NOL4L: variants seen among roughly 807,000 people sequenced by gnomAD.
NOL4L encodes nucleolar protein 4-like.
Under a neutral mutation model 64.5 loss-of-function variants are expected in NOL4L, and 7 were observed. That is an observed-to-expected ratio of 0.11 (90% confidence interval 0.06 to 0.20). The LOEUF is 0.20. NOL4L is among the 10% of genes least tolerant of loss of function. The pLI is 1.00. For synonymous variants in NOL4L, 413 were observed against 401.0 expected, an observed-to-expected ratio of 1.03 and a Z score of -0.36; for missense variants, 680 against 967.1, an observed-to-expected ratio of 0.70 and a Z score of 3.94.
chr20:32,574,029 A>C (rs1979928706), intron 1 of NOL4L: 1 of 152,280 alleles, frequency 6.6e-6, no homozygotes, highest in African/African-American at 2.4e-5. Flanking sequence ...GCTTGGTTTT[A>C]TGCCATCTTC....
chr20:32,478,273 A>ACTCT (rs11469154), intron 4 of NOL4L, among the ~76,000 whole-genome samples: 8 of 143,432 alleles, frequency 5.6e-5, no homozygotes, highest in African/African-American at 1.3e-4. Context: ...ACACACACAC[A>ACTCT]CTCTCTCTCT....
Position 32,527,765 on chromosome 20 carries a change from T to G in NOL4L, c.470A>C (p.Tyr157Ser). 1 of 1,546,946 alleles carries G rather than the reference T, an allele frequency of 6.5e-7. No homozygotes were observed. The change falls in exon 2 of 11, where the codon TAC becomes TCC. Residue 157 changes from tyrosine (Y) to serine (S), a missense_variant. Tyr to Ser is a moderately radical substitution (Grantham distance 144). Around this residue, in one of 4 missense-constraint regions of NOL4L, gnomAD observed 181 missense variants for 335.2 expected, o/e 0.54. Coordinates refer to ENST00000621426, the MANE Select transcript of NOL4L (RefSeq NM_001256798.2). ...APKHAGQKKT[Y>S]RAIAETYAFL... ...AAGAGACAGAAATCTCACCGCTCGGTAGGTTTTCTTCTGCCCAGCGTGCTT... is the reference window on the plus strand; with the variant it reads ...AAGAGACAGAAATCTCACCGCTCGGGAGGTTTTCTTCTGCCCAGCGTGCTT...
chr20:32,458,174 T>G (rs1477833223), intron 5 of NOL4L, among the ~76,000 whole-genome samples: 1 of 152,154 alleles, frequency 6.6e-6, no homozygotes, highest in East Asian at 1.9e-4. Flanking sequence ...TCCCATGCTT[T>G]CCTGTAGCTG....
At chr20:32,523,511 C>A (rs2018017332) in intron 2 of NOL4L, among the ~76,000 whole-genome samples, 1 of 152,188 alleles carries the variant, frequency 6.6e-6, no homozygotes. Flanking sequence ...GGCCACAGGA[C>A]CACAGAATGA....
chr20:32,448,667 A>G (rs1299868149), intron 10 of NOL4L, among the ~76,000 whole-genome samples: 33 of 152,232 alleles, frequency 2.2e-4, no homozygotes, highest in Admixed American at 2.0e-3. Context: ...GACAAGACTC[A>G]GACTCGCTTC....
Position 32,447,556 on chromosome 20 carries a change from C to T in NOL4L, c.*40G>A, listed in dbSNP as rs545820363. 1.3e-6 allele frequency: 2 copies of T among 1,547,986 alleles called. No individual in the cohort carries two copies. Among genetic ancestry groups the T allele is most frequent in the Non-Finnish European group, 1.7e-6 (2 of 1,153,160 alleles). On this transcript the variant is annotated 3_prime_UTR_variant, in exon 11 of 11. Transcript: ENST00000621426. ...GGAAGCCAGGTCCAGGCTGGGACAG[C>T]CTCCTTCCCTAGGGCAGTGCGCTCC...
intron 1 of NOL4L, among the ~76,000 whole-genome samples, chr20:32,529,425 C>T (rs1007944559): frequency 2.0e-5 from 3 of 152,196 alleles, no homozygotes; most frequent in Admixed American, 6.5e-5. Flanking sequence ...GCCTGAGGTA[C>T]AGTGGCTGGT....
At chr20:32,562,461 T>C (rs1979089360) in intron 1 of NOL4L, among the ~76,000 whole-genome samples, 1 of 152,126 alleles carries the variant, frequency 6.6e-6, no homozygotes, top group Admixed American at 6.5e-5. Context: ...CAGGTTTAAA[T>C]GACACTTCCA....
chr20:32,520,997 G>A, intron 2 of NOL4L, 75 bp from the exon 3 acceptor site: 1 of 895,384 alleles, frequency 1.1e-6, no homozygotes. Flanking sequence ...ACCAAGGTCT[G>A]AGCTTTGGTG....
chr20:32,504,503 T>C (rs1037783413), intron 4 of NOL4L, among the ~76,000 whole-genome samples: 8 of 148,522 alleles, frequency 5.4e-5, no homozygotes, highest in Non-Finnish European at 1.0e-4. Flanking sequence ...GAGCTTGCAG[T>C]GAGCCAAGAT....
At chr20:32,450,255 T>C (rs370479831) in intron 10 of NOL4L, 2 of 152,370 alleles carry the variant, frequency 1.3e-5, no homozygotes, top group East Asian at 1.9e-4. Flanking sequence ...ACCAAACTGA[T>C]TGAACAATAC....
rs111629151 is a variant in NOL4L at position 32,489,303 on chromosome 20, G to T, written c.700-14561C>A. On this transcript the variant is annotated intron_variant, in intron 4 of 10. Coordinates refer to ENST00000621426, the MANE Select transcript of NOL4L (RefSeq NM_001256798.2). ...AATATAAGTAATGAAGTGGGGATCTGGCTTATTTTTTTCTAAATGGCTTTC... is the reference window on the plus strand; with the variant it reads ...AATATAAGTAATGAAGTGGGGATCTTGCTTATTTTTTTCTAAATGGCTTTC... 7.2e-3 allele frequency among the ~76,000 whole-genome samples: 1,092 copies of T among 151,724 alleles called. 19 individuals are homozygous for T. Among genetic ancestry groups the T allele is most frequent in the African/African-American group, 0.025 (1,023 of 41,364 alleles).
At chr20:32,481,320 C>A (rs1397849579) in intron 4 of NOL4L, among the ~76,000 whole-genome samples, 1 of 152,202 alleles carries the variant, frequency 6.6e-6, no homozygotes, top group South Asian at 2.1e-4. Flanking sequence ...AAAAGTGAAG[C>A]TGGAGAGAGG....
At position 32,446,798 on chromosome 20, in the gene NOL4L, G is replaced by A. The variant is rs1387688879; in HGVS notation, c.*798C>T. ...CTGGAAAAAGCCCACGCTGGAGTGT[G>A]AGGTAGAATACAGGTGACCATGGAC... On this transcript the variant is annotated 3_prime_UTR_variant, in exon 11 of 11. Coordinates refer to ENST00000621426, the MANE Select transcript of NOL4L (RefSeq NM_001256798.2). 5.5e-6 allele frequency: 1 copy of A among 182,904 alleles called. No homozygotes were observed. Among genetic ancestry groups the A allele is most frequent in the Non-Finnish European group, 1.2e-5 (1 of 86,634 alleles). The allele number at this position is 182,904 out of a possible 1,614,324, so 11.3% of individuals were successfully genotyped here. A position where few individuals can be genotyped will look rare whatever the true frequency, so the allele number is the denominator to read the frequency against.
intron 2 of NOL4L, among the ~76,000 whole-genome samples, chr20:32,522,287 T>C (rs1346282294): frequency 6.6e-6 from 1 of 152,240 alleles, no homozygotes; most frequent in East Asian, 1.9e-4. Flanking sequence ...TGATGCTCTG[T>C]GGAGCAGGCA....
chr20:32,555,462 G>A (rs1282682453), intron 1 of NOL4L, among the ~76,000 whole-genome samples: 1 of 151,866 alleles, frequency 6.6e-6, no homozygotes, highest in Non-Finnish European at 1.5e-5. Flanking sequence ...ACCATGCCTG[G>A]CTAATTTTTT....
intron 1 of NOL4L, among the ~76,000 whole-genome samples, chr20:32,553,107 C>T (rs573861293): frequency 5.2e-4 from 79 of 152,256 alleles, no homozygotes; most frequent in African/African-American, 1.9e-3. Flanking sequence ...GTTTCAGCAC[C>T]GCCCCATTTC....
chr20:32,563,264 T>G (rs949479606), intron 1 of NOL4L, among the ~76,000 whole-genome samples: 7 of 26,436 alleles, frequency 2.6e-4, no homozygotes, highest in Admixed American at 1.0e-3. Context: ...TCAGGGAGGG[T>G]GGGGAGGGAG....
Position 32,511,328 on chromosome 20 carries a change from G to A in NOL4L, c.699+19C>T, listed in dbSNP as rs1276493401. 25 of 1,511,064 alleles carry A rather than the reference G, an allele frequency of 1.7e-5. No individual in the cohort carries two copies. The highest frequency in any genetic ancestry group is 2.2e-5 in the Non-Finnish European group (25 of 1,111,994). The allele number at this position is 1,511,064 out of a possible 1,614,324, so 93.6% of individuals were successfully genotyped here. ...GTCAGGACGCCTCCAGGTGGGGTGAGGGGAGACGGCCGCCTTACCTGCTCC... is the reference window on the plus strand; with the variant it reads ...GTCAGGACGCCTCCAGGTGGGGTGAAGGGAGACGGCCGCCTTACCTGCTCC... On this transcript the variant is annotated intron_variant, in intron 4 of 10. Transcript: ENST00000621426.
Sources: allele counts gnomAD v4.1 joint callset (sites outside exome capture counted in the v4.1 genomes callset), GRCh38; gene constraint gnomAD v4.1.1; regional missense constraint gnomAD v4.1.1; transcripts MANE v1.5; gene names NCBI Gene and HGNC (gene_info 2026-07-23, HGNC 2026-07-21).